Variants in CCDC149 observed in about 807,000 individuals in gnomAD.
The protein encoded by CCDC149 is coiled-coil domain containing 149.
CCDC149 carries 45 observed loss-of-function variants against 59.9 expected under a neutral mutation model. That is an observed-to-expected ratio of 0.75 (90% CI 0.59 to 0.96). The LOEUF (loss-of-function observed/expected upper bound fraction) is 0.96, where lower values mean the gene tolerates loss of function less well. Ranked by LOEUF, CCDC149 falls within the 40% of genes least tolerant of loss-of-function variation. The pLI, the probability that CCDC149 is intolerant of heterozygous loss-of-function variation, is 0.00. For missense variants in CCDC149, 584 were observed against 664.7 expected, an observed-to-expected ratio of 0.88 and a Z score of 1.33; for synonymous variants, 245 against 260.6, an observed-to-expected ratio of 0.94 and a Z score of 0.58.
intron 1 of CCDC149, among the ~76,000 whole-genome samples, chr4:24,960,367 C>T (rs1447891879): frequency 6.6e-6 from 1 of 151,972 alleles, no homozygotes; most frequent in Non-Finnish European, 1.5e-5. Flanking sequence ...CTATTGAAAT[C>T]ACAGAAAATA....
intron 2 of CCDC149, among the ~76,000 whole-genome samples, chr4:24,874,264 TG>T (rs1393886274): frequency 0.12 from 3,956 of 32,038 alleles, 323 homozygotes; most frequent in East Asian, 0.24. Flanking sequence ...TTTTTTGTTT[TG>T]TTTTTTTTTG....
chr4:24,892,774 G>A (rs1001302675), intron 1 of CCDC149, among the ~76,000 whole-genome samples: 2 of 152,078 alleles, frequency 1.3e-5, no homozygotes, highest in African/African-American at 4.8e-5. Flanking sequence ...TTAAGGGAGG[G>A]GCACTGTCTT....
chr4:24,939,113 C>A (rs571981542), intron 1 of CCDC149, among the ~76,000 whole-genome samples: 3 of 152,320 alleles, frequency 2.0e-5, no homozygotes, highest in East Asian at 3.9e-4. Flanking sequence ...GGGTCCCTGA[C>A]CCCTGAGTAG....
chr4:24,864,334 C>T (rs916825253), intron 3 of CCDC149, among the ~76,000 whole-genome samples: 10 of 152,166 alleles, frequency 6.6e-5, no homozygotes, highest in African/African-American at 2.2e-4. Context: ...GCTAATAATG[C>T]CACTATTGTA....
intron 3 of CCDC149, among the ~76,000 whole-genome samples, chr4:24,867,803 C>T (rs1019470501): frequency 6.6e-6 from 1 of 152,254 alleles, no homozygotes. Context: ...TCATTGCAAT[C>T]TTTCCTTCTG....
At chr4:24,830,583 G>A (rs1013244019) in intron 9 of CCDC149, 5 of 151,986 alleles carry the variant, frequency 3.3e-5, no homozygotes, top group Non-Finnish European at 5.9e-5. Context: ...ATGCCCCTGC[G>A]TTCGTCAGGC....
At chr4:24,978,415 G>A (rs1417863702) in intron 1 of CCDC149, among the ~76,000 whole-genome samples, 2 of 152,122 alleles carry the variant, frequency 1.3e-5, no homozygotes, top group African/African-American at 2.4e-5. Context: ...CTCATTTAAT[G>A]TAGACACCAG....
rs374244147 is a variant in CCDC149 at position 24,814,543 on chromosome 4, C to A, written c.1192+5316G>T. Reference sequence around the variant, plus strand: ...TCATGGACCAGCAGTGGCAGCATCACCTGGGGACTTATTAAACATGCAGGG... The same window carrying A: ...TCATGGACCAGCAGTGGCAGCATCAACTGGGGACTTATTAAACATGCAGGG... On this transcript the variant is annotated intron_variant, in intron 12 of 12. Transcript: ENST00000635206. Among the ~76,000 whole-genome samples the A allele has an allele frequency of 1.8e-4, 28 of 152,296 alleles. 1 individual carries two copies. The South Asian group carries it at 5.4e-3, about 29-fold the overall frequency.
At chr4:24,856,284 G>T (rs1036623015) in intron 3 of CCDC149, among the ~76,000 whole-genome samples, 1 of 152,156 alleles carries the variant, frequency 6.6e-6, no homozygotes, top group Non-Finnish European at 1.5e-5. Context: ...TTTAGACCTG[G>T]AGATACAGCA....
At chr4:24,925,866 C>G (rs1362913975) in intron 1 of CCDC149, among the ~76,000 whole-genome samples, 1 of 152,148 alleles carries the variant, frequency 6.6e-6, no homozygotes, top group Non-Finnish European at 1.5e-5. Context: ...ATTCTGAGAC[C>G]TTATCTATCC....
chr4:24,809,735 C>T (rs1004338160), intron 12 of CCDC149, among the ~76,000 whole-genome samples: 2 of 152,190 alleles, frequency 1.3e-5, no homozygotes, highest in Non-Finnish European at 2.9e-5. Context: ...GGACACATGT[C>T]CTGGACCAGG....
intron 1 of CCDC149, among the ~76,000 whole-genome samples, chr4:24,953,610 T>C (rs949703591): frequency 2.0e-5 from 3 of 152,202 alleles, no homozygotes; most frequent in African/African-American, 4.8e-5. Flanking sequence ...CGGATTATTA[T>C]ATACAAATGT....
intron 1 of CCDC149, among the ~76,000 whole-genome samples, chr4:24,950,593 G>C (rs960467361): frequency 4.6e-5 from 7 of 152,352 alleles, no homozygotes; most frequent in Admixed American, 4.6e-4. Flanking sequence ...CCATGAGCCA[G>C]CTCCATAATC....
chr4:24,918,987 A>C (rs995819135), intron 1 of CCDC149, among the ~76,000 whole-genome samples: 27 of 152,234 alleles, frequency 1.8e-4, no homozygotes, highest in African/African-American at 6.3e-4. Context: ...AGACACTGTC[A>C]ACAAGGGTGT....
At chr4:24,854,084 T>C (rs1717850376) in intron 3 of CCDC149, among the ~76,000 whole-genome samples, 2 of 152,108 alleles carry the variant, frequency 1.3e-5, no homozygotes, top group Admixed American at 1.3e-4. Context: ...TCATGGTCCC[T>C]TTCCCCAGAG....
chr4:24,949,005 C>A (rs1307037985), intron 1 of CCDC149, among the ~76,000 whole-genome samples: 1 of 152,186 alleles, frequency 6.6e-6, no homozygotes, highest in Non-Finnish European at 1.5e-5. Context: ...TGTGAGTCAA[C>A]TAAACCTCTT....
At chr4:24,955,092 C>A (rs1723430063) in intron 1 of CCDC149, among the ~76,000 whole-genome samples, 1 of 152,118 alleles carries the variant, frequency 6.6e-6, no homozygotes, top group South Asian at 2.1e-4. Context: ...ATTTGTGTTT[C>A]TATAACAGAA....
At position 24,886,561 on chromosome 4, in the gene CCDC149, T is replaced by C. The variant is rs146645505; in HGVS notation, c.64-9864A>G. 3.2e-3 allele frequency among the ~76,000 whole-genome samples: 483 copies of C among 152,328 alleles called. 5 individuals carry two copies. Among genetic ancestry groups the C allele is most frequent in the African/African-American group, 0.011 (457 of 41,578 alleles). On this transcript the variant is annotated intron_variant, in intron 1 of 12. Transcript: ENST00000635206. ...AGAAAAAGAAATGAATGCTGGGAAG[T>C]GAGAAAACAACAAATGTGCATTGCA...
At chr4:24,888,267 T>C (rs769545554) in intron 1 of CCDC149, among the ~76,000 whole-genome samples, 20 of 152,170 alleles carry the variant, frequency 1.3e-4, no homozygotes, top group Admixed American at 2.0e-4. Context: ...AAGCTGAATA[T>C]ATACATAGAT....
Sources: gnomAD v4.1 joint callset for allele counts (sites outside exome capture counted in the v4.1 genomes callset) on GRCh38, gnomAD v4.1.1 for gene constraint, MANE v1.5 for transcripts, NCBI Gene and HGNC (gene_info 2026-07-23, HGNC 2026-07-21) for gene names.